The following PCDH15 variants were observed in gnomAD, a reference collection of about 807,000 sequenced individuals.
PCDH15 encodes the protein protocadherin related 15, also known as protocadherin-15.
Under a neutral mutation model 178.5 loss-of-function variants are expected in PCDH15, and 129 were observed. The ratio of observed to expected loss-of-function variants is 0.72; its 90% CI spans 0.63 to 0.84. The LOEUF is 0.84. Among genes scored for constraint, PCDH15 ranks in the 40% least tolerant of loss-of-function variants. The probability of loss-of-function intolerance (pLI) is 0.00; values close to 1 mark genes in which losing one functional copy is unlikely to be tolerated. For synonymous variants in PCDH15, 800 were observed against 732.0 expected (o/e 1.09, Z -1.50); for missense variants, 2,230 against 2,099.9 (o/e 1.06, Z -1.21).
chr10:54,778,607 T>C (rs747559367), intron 1 of PCDH15, among the ~76,000 whole-genome samples: 1 of 152,148 alleles, frequency 6.6e-6, no homozygotes, highest in Non-Finnish European at 1.5e-5. Flanking sequence ...TGTACAGTGG[T>C]AAATCATTGT....
chr10:54,895,314 A>C (rs747404426), intron 3 of PCDH15, among the ~76,000 whole-genome samples: 1 of 152,116 alleles, frequency 6.6e-6, no homozygotes, highest in Non-Finnish European at 1.5e-5. Flanking sequence ...TTCCTAGCCT[A>C]CTACCACTCA....
chr10:54,375,809 T>C (rs1948317082), intron 4 of PCDH15, among the ~76,000 whole-genome samples: 1 of 116,360 alleles, frequency 8.6e-6, no homozygotes. Context: ...ATATAATATA[T>C]AAATAAAAAT....
At chr10:54,310,096 C>T (rs1036434044) in intron 8 of PCDH15, among the ~76,000 whole-genome samples, 4 of 151,918 alleles carry the variant, frequency 2.6e-5, no homozygotes, top group African/African-American at 9.7e-5. Context: ...TGTTCAGGGT[C>T]ATATGTGATG....
chr10:53,995,401 T>G, intron 21 of PCDH15: 1 of 553,034 alleles, frequency 1.8e-6, no homozygotes, highest in East Asian at 3.3e-5. Flanking sequence ...CATTGTTAGA[T>G]AAATTAGTAA....
chr10:53,938,430 A>C (rs1054099584), intron 25 of PCDH15, among the ~76,000 whole-genome samples: 1 of 152,160 alleles, frequency 6.6e-6, no homozygotes, highest in Non-Finnish European at 1.5e-5. Context: ...TTTCTCGAAG[A>C]AAATATGTAA....
intron 2 of PCDH15, among the ~76,000 whole-genome samples, chr10:55,602,673 G>C (rs937928042): frequency 6.6e-6 from 1 of 152,064 alleles, no homozygotes; most frequent in Admixed American, 6.6e-5. Flanking sequence ...CTGCAGCTGA[G>C]GGTCCTGTCT....
At chr10:54,575,051 CA>C (rs925858651) in intron 2 of PCDH15, among the ~76,000 whole-genome samples, 2,372 of 139,762 alleles carry the variant, frequency 0.017, 86 homozygotes, top group African/African-American at 0.059. Flanking sequence ...ATCGCAAGAA[CA>C]AAAAACCAAG....
intron 2 of PCDH15, among the ~76,000 whole-genome samples, chr10:54,568,347 G>A (rs1432236504): frequency 2.0e-5 from 3 of 151,720 alleles, no homozygotes; most frequent in East Asian, 1.9e-4. Context: ...AGCCCACCAC[G>A]CATTCCCTCA....
At chr10:54,978,724 C>T (rs773590101) in intron 2 of PCDH15, among the ~76,000 whole-genome samples, 2 of 152,076 alleles carry the variant, frequency 1.3e-5, no homozygotes, top group African/African-American at 4.8e-5. Flanking sequence ...TTTTTACCTG[C>T]TTTTTGGTCA....
chr10:54,277,782 A>C (rs2132637726), intron 8 of PCDH15, among the ~76,000 whole-genome samples: 1 of 151,756 alleles, frequency 6.6e-6, no homozygotes, highest in South Asian at 2.1e-4. Context: ...GTCATTTTAA[A>C]AACTAGGTGG....
At chr10:55,103,573 G>A (rs1842618304) in intron 2 of PCDH15, among the ~76,000 whole-genome samples, 1 of 151,964 alleles carries the variant, frequency 6.6e-6, no homozygotes, top group South Asian at 2.1e-4. Flanking sequence ...ATTTGTATTG[G>A]GCCTCATGGC....
chr10:55,254,954 T>A (rs1197568052), intron 1 of PCDH15, among the ~76,000 whole-genome samples: 2 of 4,710 alleles, frequency 4.2e-4, no homozygotes, highest in African/African-American at 5.6e-4. Flanking sequence ...AAGTCTTTTC[T>A]TTTTTTTTTT....
At chr10:55,286,499 G>A (rs866795384) in intron 1 of PCDH15, among the ~76,000 whole-genome samples, 5 of 150,630 alleles carry the variant, frequency 3.3e-5, no homozygotes, top group Non-Finnish European at 5.9e-5. Context: ...TAGTCTATGA[G>A]GGTTTTTTTT....
intron 14 of PCDH15, among the ~76,000 whole-genome samples, chr10:54,149,691 G>C (rs1382402794): frequency 6.6e-6 from 1 of 152,142 alleles, no homozygotes; most frequent in African/African-American, 2.4e-5. Context: ...GAAAGCACTG[G>C]AAAGCTTGAG....
At chr10:54,797,684 G>A (rs1952181797) in intron 1 of PCDH15, among the ~76,000 whole-genome samples, 1 of 152,006 alleles carries the variant, frequency 6.6e-6, no homozygotes, top group African/African-American at 2.4e-5. Flanking sequence ...GGACACTGAG[G>A]AACAAATGTT....
intron 2 of PCDH15, among the ~76,000 whole-genome samples, chr10:55,415,172 T>C (rs1429098511): frequency 2.0e-5 from 3 of 151,642 alleles, no homozygotes; most frequent in African/African-American, 4.8e-5. Flanking sequence ...GAAATGATTA[T>C]GTAGTTTTTT....
chr10:55,245,365 C>A (rs1472198173), intron 1 of PCDH15, among the ~76,000 whole-genome samples: 1 of 151,766 alleles, frequency 6.6e-6, no homozygotes, highest in African/African-American at 2.4e-5. Flanking sequence ...AAAAATAACT[C>A]AAAAAAACAG....
chr10:54,226,575 G>T (rs578219321), intron 9 of PCDH15, among the ~76,000 whole-genome samples: 1 of 152,220 alleles, frequency 6.6e-6, no homozygotes, highest in African/African-American at 2.4e-5. Context: ...ATATCATTCT[G>T]CACTTGACCT....
chr10:54,909,940 G>T (rs1306851800), intron 2 of PCDH15, among the ~76,000 whole-genome samples: 3 of 152,122 alleles, frequency 2.0e-5, no homozygotes, highest in Non-Finnish European at 4.4e-5. Flanking sequence ...AGGCTCTGGG[G>T]ACTGTCCTTC....
Sources: gnomAD v4.1 joint callset for allele counts (sites outside exome capture counted in the v4.1 genomes callset) on GRCh38, gnomAD v4.1.1 for gene constraint, MANE v1.5 for transcripts, NCBI Gene and HGNC (gene_info 2026-07-23, HGNC 2026-07-21) for gene names.